The following STXBP5 variants were observed in gnomAD, a reference collection of about 807,000 sequenced individuals.
STXBP5 encodes syntaxin-binding protein 5.
STXBP5 carries 50 observed loss-of-function variants against 152.4 expected under a neutral mutation model. The ratio of observed to expected loss-of-function variants is 0.33; its 90% confidence interval spans 0.26 to 0.42. The LOEUF is 0.42. Among genes scored for constraint, STXBP5 ranks in the 10% least tolerant of loss-of-function variants. STXBP5 has a pLI of 1.00. For synonymous variants in STXBP5, 492 were observed against 494.7 expected (o/e 0.99, Z 0.07); for missense variants, 1,167 against 1,388.6 (o/e 0.84, Z 2.54).
chr6:147,362,969 A>G (rs772310376), intron 23 of STXBP5, among the ~76,000 whole-genome samples: 41 of 152,212 alleles, frequency 2.7e-4, no homozygotes, highest in African/African-American at 5.8e-4. Flanking sequence ...TCCAGGTGCT[A>G]TCCACTTGCT....
In STXBP5 at chr6:147,275,515, A is replaced by T. The variant is rs896203099; in HGVS notation, c.715-2566A>T. Among the ~76,000 whole-genome samples, 54 of 123,928 alleles carry T rather than the reference A, an allele frequency of 4.4e-4. 1 individual carries two copies. Among genetic ancestry groups the T allele is most frequent in the African/African-American group, 1.5e-3 (48 of 32,936 alleles). The allele number at this position is 123,928 out of a possible 152,430, so 81.3% of individuals were successfully genotyped here. A position where few individuals can be genotyped will look rare whatever the true frequency, so the allele number is the denominator to read the frequency against. On this transcript the variant is annotated intron_variant, in intron 7 of 27. Coordinates refer to ENST00000321680, the MANE Select transcript of STXBP5 (RefSeq NM_001127715.4). ...ATGATCCTGTTATTCATATATATGTATAATTTTCAGGTTTTTTTAAACAAG... is the reference window on the plus strand; with the variant it reads ...ATGATCCTGTTATTCATATATATGTTTAATTTTCAGGTTTTTTTAAACAAG...
chr6:147,366,330 A>C (rs1785288962), intron 25 of STXBP5, among the ~76,000 whole-genome samples: 1 of 152,198 alleles, frequency 6.6e-6, no homozygotes, highest in Non-Finnish European at 1.5e-5. Context: ...CAACAACCAG[A>C]CTGGAGAAAC....
intron 4 of STXBP5, among the ~76,000 whole-genome samples, chr6:147,243,040 A>G (rs1040320841): frequency 6.6e-6 from 1 of 152,186 alleles, no homozygotes; most frequent in African/African-American, 2.4e-5. Flanking sequence ...CATTATGAAT[A>G]AAGCTGTTAT....
Position 147,204,783 on chromosome 6 carries a change from C to G in STXBP5, c.150+101C>G. On this transcript the variant is annotated intron_variant, in intron 1 of 27. Coordinates refer to ENST00000321680, the MANE Select transcript of STXBP5 (RefSeq NM_001127715.4). This position sits in a 1 kb window ranked among gnomAD's most constrained non-coding sequence, Gnocchi z 4.3. ...CATGGGAATGCAAGGGAAGAGAACG[C>G]CAATAATAATAATAATAACTCTAAT... 8.3e-7 allele frequency: 1 copy of G among 1,211,856 alleles called. No homozygotes were observed. 75.1% of individuals were successfully genotyped at this position (1,211,856 alleles called of 1,614,324 possible).
intron 26 of STXBP5, among the ~76,000 whole-genome samples, chr6:147,381,592 T>C (rs185530231): frequency 5.3e-5 from 8 of 152,286 alleles, no homozygotes; most frequent in Admixed American, 2.6e-4. Flanking sequence ...ATGTTCATAG[T>C]AGCTTTATTC....
chr6:147,305,372 T>G (rs912510331), intron 9 of STXBP5, among the ~76,000 whole-genome samples: 1 of 152,220 alleles, frequency 6.6e-6, no homozygotes, highest in African/African-American at 2.4e-5. Flanking sequence ...ATTTTATTTC[T>G]TTTTTCCTCT....
intron 6 of STXBP5, among the ~76,000 whole-genome samples, chr6:147,263,822 T>A (rs949147985): frequency 3.2e-4 from 48 of 152,146 alleles, no homozygotes; most frequent in African/African-American, 1.1e-3. Context: ...AAAATGCTTT[T>A]TCTTTCTTTC....
At chr6:147,297,987 G>A (rs376510708) in intron 9 of STXBP5, among the ~76,000 whole-genome samples, 3 of 151,972 alleles carry the variant, frequency 2.0e-5, no homozygotes, top group African/African-American at 7.2e-5. Context: ...TTAACAAAAT[G>A]GCAAGAGTAA....
At chr6:147,288,752 A>C (rs1781123750) in intron 8 of STXBP5, among the ~76,000 whole-genome samples, 1 of 152,196 alleles carries the variant, frequency 6.6e-6, no homozygotes, top group Non-Finnish European at 1.5e-5. Flanking sequence ...CAAGTTTCAG[A>C]GCAGGAGTGG....
chr6:147,247,114 C>T (rs1173618204), intron 4 of STXBP5, among the ~76,000 whole-genome samples: 1 of 152,080 alleles, frequency 6.6e-6, no homozygotes, highest in Non-Finnish European at 1.5e-5. Context: ...TGGCTGAGTA[C>T]CAGACCCCAA....
intron 21 of STXBP5, chr6:147,351,992 AC>A: frequency 1.6e-6 from 1 of 641,450 alleles, no homozygotes; most frequent in Non-Finnish European, 1.9e-6. Context: ...CATAGGAAGC[AC>A]TTTTCTTTTA....
chr6:147,250,127 A>C (rs1481874889), intron 4 of STXBP5, among the ~76,000 whole-genome samples: 1 of 152,228 alleles, frequency 6.6e-6, no homozygotes, highest in Admixed American at 6.5e-5. Flanking sequence ...AGGCTGATAA[A>C]AGAACTCAGC....
At chr6:147,382,726 T>A in intron 26 of STXBP5, 52 bp from the exon 27 acceptor site, 2 of 1,560,150 alleles carry the variant, frequency 1.3e-6, no homozygotes, top group Non-Finnish European at 1.8e-6. Context: ...GATTTTATAT[T>A]AGTAAAATGT....
intron 25 of STXBP5, among the ~76,000 whole-genome samples, chr6:147,367,667 G>A (rs570416662): frequency 6.6e-6 from 1 of 151,402 alleles, no homozygotes; most frequent in Non-Finnish European, 1.5e-5. Flanking sequence ...ACTGAGTAAA[G>A]CAAATTAAAC....
intron 9 of STXBP5, among the ~76,000 whole-genome samples, chr6:147,308,443 A>G (rs1401388997): frequency 6.6e-6 from 1 of 152,222 alleles, no homozygotes; most frequent in African/African-American, 2.4e-5. Flanking sequence ...AGTGCAACAC[A>G]CATTTCTACT....
chr6:147,260,598 A>T lies in STXBP5; in HGVS notation c.432-17A>T. The stretch of plus-strand genomic sequence containing the variant: ...CATTTTTCAAATTTCTTTTTTGAGT[A>T]TATTTTTCTCTTGCAGGGTTACATT... On this transcript the variant is annotated splice_polypyrimidine_tract_variant and intron_variant, in intron 4 of 27. Coordinates refer to ENST00000321680, the MANE Select transcript of STXBP5 (RefSeq NM_001127715.4). The T allele has an allele frequency of 6.2e-7, 1 of 1,613,362 alleles. No individual in the cohort carries two copies. Among genetic ancestry groups the T allele is most frequent in the Admixed American group, 1.7e-5 (1 of 59,964 alleles).
chr6:147,291,932 C>T (rs1319856490), intron 9 of STXBP5, among the ~76,000 whole-genome samples: 1 of 151,386 alleles, frequency 6.6e-6, no homozygotes, highest in East Asian at 1.9e-4. Context: ...AATTGTGGTC[C>T]CTTTGCCAAC....
chr6:147,335,894 A>G (rs1434136160), intron 19 of STXBP5, among the ~76,000 whole-genome samples: 4 of 152,234 alleles, frequency 2.6e-5, no homozygotes, highest in East Asian at 1.9e-4. Flanking sequence ...ATTTTCAAAT[A>G]TATTTTGCTC....
chr6:147,235,750 G>C (rs900187692), intron 3 of STXBP5, among the ~76,000 whole-genome samples: 2 of 152,250 alleles, frequency 1.3e-5, no homozygotes, highest in Non-Finnish European at 2.9e-5. Flanking sequence ...TTTCTGCCCA[G>C]AGTTCTTAAA....
Sources: gnomAD v4.1 joint callset for allele counts (sites outside exome capture counted in the v4.1 genomes callset) on GRCh38, gnomAD v4.1.1 for gene constraint, Gnocchi (gnomAD v3.1) non-coding constraint, MANE v1.5 for transcripts, NCBI Gene and HGNC (gene_info 2026-07-23, HGNC 2026-07-21) for gene names.